LARGE1: variants seen among roughly 807,000 people sequenced by gnomAD.
LARGE1 encodes xylosyl- and glucuronyltransferase LARGE1.
LARGE1 carries 43 observed loss-of-function variants against 87.6 expected under a neutral mutation model. That is an observed-to-expected ratio of 0.49 (90% CI 0.38 to 0.63). The LOEUF (loss-of-function observed/expected upper bound fraction) is 0.63, where lower values mean the gene tolerates loss of function less well. Ranked by LOEUF, LARGE1 falls within the 30% of genes least tolerant of loss-of-function variation. The pLI, the probability that LARGE1 is intolerant of heterozygous loss-of-function variation, is 0.00. For synonymous variants in LARGE1, 434 were observed against 394.6 expected (o/e 1.10, Z -1.18); for missense variants, 802 against 1,000.2 (o/e 0.80, Z 2.67).
the LARGE1 span, among the ~76,000 whole-genome samples, chr22:33,133,982 A>C: frequency 6.6e-6 from 1 of 152,166 alleles, no homozygotes; most frequent in Admixed American, 6.5e-5. Context: ...TTAAGAAAAA[A>C]CCATGTTCAG....
At chr22:33,319,568 G>A (rs779736604) in intron 10 of LARGE1, among the ~76,000 whole-genome samples, 1 of 152,086 alleles carries the variant, frequency 6.6e-6, no homozygotes, top group Non-Finnish European at 1.5e-5. Flanking sequence ...GCTAATTTCT[G>A]TATTTTTAAT....
chr22:33,593,068 T>G (rs1369932734), intron 5 of LARGE1, among the ~76,000 whole-genome samples: 1 of 152,214 alleles, frequency 6.6e-6, no homozygotes, highest in African/African-American at 2.4e-5. Flanking sequence ...CTCAATCTCT[T>G]GACCTTGTGA....
chr22:33,609,345 G>A (rs1246833484), intron 4 of LARGE1, among the ~76,000 whole-genome samples: 3 of 152,208 alleles, frequency 2.0e-5, no homozygotes, highest in Non-Finnish European at 4.4e-5. Flanking sequence ...CAGGTAATAT[G>A]CAGGACACTC....
intron 2 of LARGE1, among the ~76,000 whole-genome samples, chr22:33,670,128 T>A (rs2081367961): frequency 6.6e-6 from 1 of 152,194 alleles, no homozygotes; most frequent in South Asian, 2.1e-4. Flanking sequence ...AACAAGCTCA[T>A]TCTGGTTAAG....
At chr22:33,173,736 G>T (rs1435450824) in intron 11 of LARGE1, among the ~76,000 whole-genome samples, 2 of 151,426 alleles carry the variant, frequency 1.3e-5, no homozygotes, top group Non-Finnish European at 2.9e-5. Context: ...TATCAAAAGA[G>T]ACACAGAAGG....
the LARGE1 span, among the ~76,000 whole-genome samples, chr22:33,070,676 G>A: frequency 4.2e-3 from 646 of 152,270 alleles, 7 homozygotes; most frequent in African/African-American, 0.014. Flanking sequence ...TGCAGGGGGC[G>A]GGACTGTGAG....
At chr22:33,669,035 T>C (rs114009046) in intron 2 of LARGE1, among the ~76,000 whole-genome samples, 1,569 of 152,300 alleles carry the variant, frequency 0.01, 31 homozygotes, top group African/African-American at 0.036. Context: ...CAGGCTACGT[T>C]ACTGGCATCT....
chr22:33,135,569 G>A, the LARGE1 span, among the ~76,000 whole-genome samples: 2 of 152,312 alleles, frequency 1.3e-5, no homozygotes, highest in East Asian at 3.9e-4. Context: ...ACCGGACACA[G>A]TGGCTCATGC....
chr22:33,920,482 G>C (rs1205455555), upstream of LARGE1: 1 of 146,110 alleles, frequency 6.8e-6, no homozygotes, highest in Non-Finnish European at 1.5e-5. Flanking sequence ...AGACTGGCCG[G>C]GCCGGGCGCC....
At chr22:33,536,038 A>G (rs1268819476) in intron 6 of LARGE1, among the ~76,000 whole-genome samples, 2 of 152,214 alleles carry the variant, frequency 1.3e-5, no homozygotes, top group Admixed American at 6.5e-5. Flanking sequence ...CTTAAAACAC[A>G]TGTGCAAGCC....
intron 6 of LARGE1, among the ~76,000 whole-genome samples, chr22:33,463,903 A>C (rs1254079014): frequency 6.6e-6 from 1 of 152,110 alleles, no homozygotes; most frequent in Non-Finnish European, 1.5e-5. Flanking sequence ...CGAACTCCTG[A>C]CCTCAGGTGA....
At chr22:33,897,973 C>T (rs2065187865) in intron 1 of LARGE1, among the ~76,000 whole-genome samples, 1 of 152,120 alleles carries the variant, frequency 6.6e-6, no homozygotes, top group African/African-American at 2.4e-5. Context: ...TTATATTCAT[C>T]TTTAAAAAAT....
At chr22:33,217,609 A>C (rs1406254340) in intron 11 of LARGE1, among the ~76,000 whole-genome samples, 2 of 152,228 alleles carry the variant, frequency 1.3e-5, no homozygotes, top group Non-Finnish European at 2.9e-5. Context: ...ACAGAAATGC[A>C]TGGGAACGAT....
rs5998923 is a variant in LARGE1, at chr22:33,398,911, C to T, written c.893-14607G>A. On this transcript the variant is annotated intron_variant, in intron 7 of 14. Transcript: ENST00000397394. ...TTTCCCCTAGAGGCTTCGGAAAGAGCGTGGTTTGGCTAACACCTTCACATG... is the reference window on the plus strand; with the variant it reads ...TTTCCCCTAGAGGCTTCGGAAAGAGTGTGGTTTGGCTAACACCTTCACATG... 8.8e-3 allele frequency among the ~76,000 whole-genome samples: 1,347 copies of T among 152,274 alleles called. 20 individuals carry two copies. The highest frequency in any genetic ancestry group is 0.031 in the African/African-American group (1,275 of 41,550).
At chr22:33,855,320 C>CG (rs2063727159) in intron 1 of LARGE1, among the ~76,000 whole-genome samples, 1 of 151,910 alleles carries the variant, frequency 6.6e-6, no homozygotes, top group African/African-American at 2.4e-5. Context: ...GGCAAGACAG[C>CG]GGGACCCCGT....
intron 5 of LARGE1, among the ~76,000 whole-genome samples, chr22:33,566,982 C>T (rs1185335964): frequency 6.6e-6 from 1 of 152,134 alleles, no homozygotes; most frequent in Non-Finnish European, 1.5e-5. Context: ...TCCCTGTCAC[C>T]CTACACCCAG....
At chr22:33,524,435 C>T (rs11703178) in intron 6 of LARGE1, among the ~76,000 whole-genome samples, 17,913 of 152,106 alleles carry the variant, frequency 0.12, 1,354 homozygotes, top group Admixed American at 0.24. Context: ...AAAATCTTCT[C>T]TAATAAGTTT....
chr22:33,303,214 C>T (rs1029322492), intron 12 of LARGE1, among the ~76,000 whole-genome samples: 5 of 152,206 alleles, frequency 3.3e-5, no homozygotes, highest in African/African-American at 1.2e-4. Context: ...CAGCTGCTGA[C>T]ACCCCGTCCC....
intron 6 of LARGE1, among the ~76,000 whole-genome samples, chr22:33,542,336 G>A (rs889389036): frequency 1.3e-5 from 2 of 151,868 alleles, no homozygotes; most frequent in Admixed American, 1.3e-4. Flanking sequence ...ACTCTCATGG[G>A]AACCCTGTTT....
Sources: allele counts gnomAD v4.1 joint callset (sites outside exome capture counted in the v4.1 genomes callset), GRCh38; gene constraint gnomAD v4.1.1; transcripts MANE v1.5; gene names NCBI Gene and HGNC (gene_info 2026-07-23, HGNC 2026-07-21).